Variants in ADARB2 observed in about 807,000 individuals in gnomAD.
The protein encoded by ADARB2 is inactive double-stranded RNA-specific editase B2.
A neutral mutation model predicts 62.2 loss-of-function variants in ADARB2; 25 were observed. The ratio of observed to expected loss-of-function variants is 0.40; its 90% CI spans 0.29 to 0.56. ADARB2 has a LOEUF of 0.56. Among genes scored for constraint, ADARB2 ranks in the 20% least tolerant of loss-of-function variants. ADARB2 has a pLI of 0.43. For synonymous variants in ADARB2, 572 were observed against 500.8 expected (o/e 1.14, Z -1.90); for missense variants, 1,071 against 1,077.4 (o/e 0.99, Z 0.08).
At chr10:1,564,972 G>A (rs924223962) in intron 1 of ADARB2, among the ~76,000 whole-genome samples, 3 of 152,130 alleles carry the variant, frequency 2.0e-5, no homozygotes, top group Admixed American at 6.5e-5. Context: ...GCCTGGCCTC[G>A]GCCGTAGACC....
chr10:1,522,529 C>T (rs913730719), intron 1 of ADARB2, among the ~76,000 whole-genome samples: 4 of 152,170 alleles, frequency 2.6e-5, no homozygotes, highest in Non-Finnish European at 5.9e-5. Flanking sequence ...CCAGATGCCA[C>T]CTTCTGTCTG....
intron 1 of ADARB2, among the ~76,000 whole-genome samples, chr10:1,601,150 G>T (rs138878056): frequency 1.3e-5 from 2 of 152,168 alleles, no homozygotes; most frequent in African/African-American, 4.8e-5. Flanking sequence ...GCCTGTTCCC[G>T]TCCTCTTTGG....
chr10:1,297,519 C>T (rs1394036754), intron 3 of ADARB2, among the ~76,000 whole-genome samples: 6 of 152,124 alleles, frequency 3.9e-5, no homozygotes, highest in East Asian at 1.9e-4. Context: ...GACCACTGGC[C>T]GTTCAGACCC....
In ADARB2 at chr10:1,427,616, G is replaced by A. The variant is rs187427188; in HGVS notation, c.101-48456C>T. 3.9e-5 allele frequency among the ~76,000 whole-genome samples: 6 copies of A among 152,294 alleles called. No individual in the cohort carries two copies. In the East Asian group the frequency reaches 5.8e-4, roughly 15 times the overall value. ...TGTAGGGAAACTGGATCATTCATAC[G>A]TTGCTGGTGGGAAAGTAAAATGTTA... On this transcript the variant is annotated intron_variant, in intron 1 of 9. Coordinates refer to ENST00000381312, the MANE Select transcript of ADARB2 (RefSeq NM_018702.4).
At chr10:1,533,012 G>T (rs989298540) in intron 1 of ADARB2, among the ~76,000 whole-genome samples, 3 of 152,172 alleles carry the variant, frequency 2.0e-5, no homozygotes, top group African/African-American at 7.2e-5. Flanking sequence ...GAAGGACAGG[G>T]TAGGGGCCGG....
intron 8 of ADARB2, among the ~76,000 whole-genome samples, chr10:1,193,405 T>C (rs779565921): frequency 9.2e-5 from 14 of 152,232 alleles, no homozygotes; most frequent in Non-Finnish European, 1.9e-4. Flanking sequence ...TTTTGGCTTC[T>C]GTAAGGATTG....
At chr10:1,652,932 T>C (rs1289437940) in intron 1 of ADARB2, among the ~76,000 whole-genome samples, 1 of 152,176 alleles carries the variant, frequency 6.6e-6, no homozygotes, top group Non-Finnish European at 1.5e-5. Context: ...TTCTCTGCTC[T>C]ACTCCTCTTC....
chr10:1,660,395 C>T (rs1834230939), intron 1 of ADARB2, among the ~76,000 whole-genome samples: 1 of 152,128 alleles, frequency 6.6e-6, no homozygotes, highest in African/African-American at 2.4e-5. Context: ...GTCGTAAGGT[C>T]CCACCTTTGG....
At chr10:1,538,666 G>A (rs1021650666) in intron 1 of ADARB2, among the ~76,000 whole-genome samples, 1 of 152,214 alleles carries the variant, frequency 6.6e-6, no homozygotes, top group African/African-American at 2.4e-5. Flanking sequence ...GCCTGGGTGA[G>A]GGTATAGTAG....
chr10:1,553,306 A>G (rs1008350189), intron 1 of ADARB2, among the ~76,000 whole-genome samples: 15 of 152,198 alleles, frequency 9.9e-5, no homozygotes, highest in African/African-American at 3.1e-4. Context: ...CCCAAGCTAC[A>G]TGGTGCACAC....
intron 1 of ADARB2, among the ~76,000 whole-genome samples, chr10:1,650,234 T>A (rs1834093095): frequency 6.6e-6 from 1 of 152,212 alleles, no homozygotes; most frequent in African/African-American, 2.4e-5. Flanking sequence ...TTTATGTTTT[T>A]TGGGGGTAAG....
rs983289815 is a variant in ADARB2, at chr10:1,182,975, C to T, written c.*218G>A. 3 of 576,512 alleles carry T rather than the reference C, an allele frequency of 5.2e-6. No individual in the cohort carries two copies. The highest frequency in any genetic ancestry group is 5.9e-5 in the East Asian group (2 of 33,640). 35.7% of individuals were successfully genotyped at this position (576,512 alleles called of 1,614,324 possible). A position where few individuals can be genotyped will look rare whatever the true frequency, so the allele number is the denominator to read the frequency against. ...CGGCGCTAACTCAACAGTGCATGTG[C>T]CCCTGGGTGTGGGGGACAGGGTTCT... On this transcript the variant is annotated 3_prime_UTR_variant, in exon 10 of 10. Coordinates refer to ENST00000381312, the MANE Select transcript of ADARB2 (RefSeq NM_018702.4).
At chr10:1,537,680 G>T (rs1832351244) in intron 1 of ADARB2, among the ~76,000 whole-genome samples, 1 of 152,140 alleles carries the variant, frequency 6.6e-6, no homozygotes, top group Non-Finnish European at 1.5e-5. Context: ...GATGAAGCTG[G>T]AAACCATCAT....
chr10:1,456,421 C>T (rs1831096599), intron 1 of ADARB2, among the ~76,000 whole-genome samples: 1 of 152,188 alleles, frequency 6.6e-6, no homozygotes, highest in South Asian at 2.1e-4. Context: ...CTAAAGTTTC[C>T]TCATTAACTT....
chr10:1,422,635 C>G (rs1289065190), intron 1 of ADARB2, among the ~76,000 whole-genome samples: 1 of 152,138 alleles, frequency 6.6e-6, no homozygotes, highest in African/African-American at 2.4e-5. Context: ...ACCATGGATA[C>G]CTACACATCT....
chr10:1,417,076 A>G (rs1832810436), intron 1 of ADARB2, among the ~76,000 whole-genome samples: 1 of 152,208 alleles, frequency 6.6e-6, no homozygotes, highest in South Asian at 2.1e-4. Context: ...AGTGTGGGAT[A>G]TAATAGATGG....
Position 1,183,079 on chromosome 10 carries a change from G to A in ADARB2, c.*114C>T, listed in dbSNP as rs573459488. On this transcript the variant is annotated 3_prime_UTR_variant, in exon 10 of 10. Transcript: ENST00000381312. ...AAACATTGCACACTCGCGTGTTTCT[G>A]GGACACCAAAGTAAAACGAATGCAG... The A allele has an allele frequency of 3.3e-6, 4 of 1,229,862 alleles. No individual in the cohort carries two copies. In the Admixed American group the frequency reaches 9.6e-5, roughly 30 times the overall value. 76.2% of individuals were successfully genotyped at this position (1,229,862 alleles called of 1,614,324 possible).
chr10:1,201,472 G>A (rs984142389), intron 7 of ADARB2, among the ~76,000 whole-genome samples: 1 of 152,196 alleles, frequency 6.6e-6, no homozygotes, highest in Non-Finnish European at 1.5e-5. Flanking sequence ...CTCCCAGAAA[G>A]CAAGGGAAGG....
intron 1 of ADARB2, chr10:1,557,083 G>A (rs535010861): frequency 5.7e-6 from 2 of 350,274 alleles, no homozygotes; most frequent in Admixed American, 4.0e-5. Flanking sequence ...CCCACTGTCC[G>A]AGGGTACCTC....
Sources: gnomAD v4.1 joint callset for allele counts (sites outside exome capture counted in the v4.1 genomes callset) on GRCh38, gnomAD v4.1.1 for gene constraint, MANE v1.5 for transcripts, NCBI Gene and HGNC (gene_info 2026-07-23, HGNC 2026-07-21) for gene names.